Variants in UEVLD observed in about 807,000 individuals in gnomAD.
UEVLD encodes the protein ubiquitin-conjugating enzyme E2 variant 3.
Under a neutral mutation model 58.6 loss-of-function variants are expected in UEVLD, and 47 were observed. That is an observed-to-expected ratio of 0.80 (90% confidence interval 0.63 to 1.02). The LOEUF is 1.02. Among genes scored for constraint, UEVLD ranks in the 50% least tolerant of loss-of-function variants. The pLI, the probability that UEVLD is intolerant of heterozygous loss-of-function variation, is 0.00. For missense variants in UEVLD, 510 were observed against 550.6 expected, an observed-to-expected ratio of 0.93 and a Z score of 0.74; for synonymous variants, 197 against 195.3, an observed-to-expected ratio of 1.01 and a Z score of -0.07.
chr11:18,562,241 C>G (rs1852070304), intron 6 of UEVLD, among the ~76,000 whole-genome samples: 1 of 152,034 alleles, frequency 6.6e-6, no homozygotes, highest in Non-Finnish European at 1.5e-5. Context: ...CCACACCTAG[C>G]TAATTTTTAA....
Position 18,544,802 on chromosome 11 carries a change from T to C in UEVLD, c.887-6A>G, listed in dbSNP as rs375108601. ...TACATAGGTCATGATTTCCACTAAA[T>C]ATTGCATACAAGGTAAAAAATGTAA... On this transcript the variant is annotated splice_region_variant and splice_polypyrimidine_tract_variant and intron_variant, in intron 8 of 11. Coordinates refer to ENST00000396197, the MANE Select transcript of UEVLD (RefSeq NM_001040697.4). The C allele has an allele frequency of 6.6e-7, 1 of 1,517,422 alleles. No homozygotes were observed. The highest frequency in any genetic ancestry group is 1.3e-5 in the South Asian group (1 of 75,620). The allele number at this position is 1,517,422 out of a possible 1,614,324, so 94.0% of individuals were successfully genotyped here. A position where few individuals can be genotyped will look rare whatever the true frequency, so the allele number is the denominator to read the frequency against.
rs1853720513 is a variant in UEVLD at position 18,588,655 on chromosome 11, C to T, written c.-1G>A. On this transcript the variant is annotated 5_prime_UTR_variant, in exon 1 of 12. Coordinates refer to ENST00000396197, the MANE Select transcript of UEVLD (RefSeq NM_001040697.4). Reference sequence around the variant, plus strand: ...TCAGGCCCTCGCAGTCGAACTCCATCTCCAGGCCGGTCCCGAGCTAGGTCC... The same window carrying T: ...TCAGGCCCTCGCAGTCGAACTCCATTTCCAGGCCGGTCCCGAGCTAGGTCC... The T allele has an allele frequency of 3.1e-6, 5 of 1,609,316 alleles. No individual in the cohort carries two copies. Among genetic ancestry groups the T allele is most frequent in the African/African-American group, 1.3e-5 (1 of 75,066 alleles).
chr11:18,545,062 ATCTATATCTATAT>A (rs1565113408), intron 8 of UEVLD, among the ~76,000 whole-genome samples: 1 of 29,644 alleles, frequency 3.4e-5, no homozygotes, highest in African/African-American at 9.9e-5. Flanking sequence ...CTATATCTAT[ATCTATATCTATAT>A]TTTTTTTTTT....
Position 18,544,786 on chromosome 11 carries a change from C to G in UEVLD, c.897G>C (p.Met299Ile). 2 of 1,530,068 alleles carry G rather than the reference C, an allele frequency of 1.3e-6. No individual in the cohort carries two copies. Among genetic ancestry groups the G allele is most frequent in the African/African-American group, 2.9e-5 (2 of 69,432 alleles). 94.8% of individuals were successfully genotyped at this position (1,530,068 alleles called of 1,614,324 possible). A position where few individuals can be genotyped will look rare whatever the true frequency, so the allele number is the denominator to read the frequency against. ...LLVASQPVEI[M>I]TYVTWKLSTF... ...TACTCAGTTTCCATGTTACATAGGTCATGATTTCCACTAAATATTGCATAC... is the reference window on the plus strand; with the variant it reads ...TACTCAGTTTCCATGTTACATAGGTGATGATTTCCACTAAATATTGCATAC... The change falls in exon 9 of 12, where the codon ATG (methionine) becomes ATC (isoleucine). Residue 299 changes from methionine to isoleucine, a missense_variant. Transcript: ENST00000396197.
intron 9 of UEVLD, among the ~76,000 whole-genome samples, chr11:18,537,999 T>A (rs1850883486): frequency 6.6e-6 from 1 of 152,224 alleles, no homozygotes; most frequent in Non-Finnish European, 1.5e-5. Flanking sequence ...CAGTAACATT[T>A]TGAAACCTTT....
intron 6 of UEVLD, among the ~76,000 whole-genome samples, chr11:18,560,138 C>CACACACACACCACACACACACACACAG: frequency 1.3e-5 from 1 of 74,816 alleles, no homozygotes; most frequent in Non-Finnish European, 2.5e-5. Flanking sequence ...CACACACACA[C>CACACACACACCACACACACACACACAG]AGAGAGAGAA....
intron 4 of UEVLD, among the ~76,000 whole-genome samples, chr11:18,569,145 C>T (rs1032413503): frequency 2.0e-5 from 3 of 152,176 alleles, no homozygotes; most frequent in Non-Finnish European, 4.4e-5. Context: ...CCACCCGCCT[C>T]GGCCTACCAA....
intron 9 of UEVLD, among the ~76,000 whole-genome samples, chr11:18,544,003 TC>T (rs1411738619): frequency 2.9e-4 from 44 of 152,286 alleles, no homozygotes; most frequent in African/African-American, 1.0e-3. Context: ...AGGAAAGAGT[TC>T]TATATATGCT....
intron 6 of UEVLD, among the ~76,000 whole-genome samples, chr11:18,561,956 G>A (rs1852057541): frequency 6.6e-6 from 1 of 151,928 alleles, no homozygotes; most frequent in Non-Finnish European, 1.5e-5. Flanking sequence ...TAAGCATTGT[G>A]TAAAGGTTAG....
intron 11 of UEVLD, among the ~76,000 whole-genome samples, chr11:18,533,847 T>C (rs2133949949): frequency 6.6e-6 from 1 of 151,982 alleles, no homozygotes; most frequent in South Asian, 2.1e-4. Flanking sequence ...TAGAGAGGGG[T>C]TTCACCATGT....
At chr11:18,566,598 T>A in intron 4 of UEVLD, 116 bp from the exon 5 acceptor site, 1 of 1,062,894 alleles carries the variant, frequency 9.4e-7, no homozygotes, top group South Asian at 1.6e-5. Flanking sequence ...TGAGTTATGG[T>A]TGCACCACTA....
chr11:18,540,360 G>A (rs1015286549), intron 9 of UEVLD, among the ~76,000 whole-genome samples: 6 of 152,302 alleles, frequency 3.9e-5, no homozygotes, highest in Non-Finnish European at 5.9e-5. Context: ...TGCAGTTACT[G>A]TGATGGTATC....
chr11:18,545,933 C>G (rs1255618316), intron 8 of UEVLD, among the ~76,000 whole-genome samples: 2 of 151,864 alleles, frequency 1.3e-5, no homozygotes, highest in African/African-American at 4.9e-5. Flanking sequence ...CATATGCCAC[C>G]ATGATTCAGT....
At chr11:18,551,933 T>C (rs1339379798) in intron 7 of UEVLD, among the ~76,000 whole-genome samples, 1 of 152,220 alleles carries the variant, frequency 6.6e-6, no homozygotes, top group Admixed American at 6.6e-5. Context: ...GAATGAAATA[T>C]GAACTCATTT....
intron 6 of UEVLD, chr11:18,563,546 G>T: frequency 2.2e-6 from 1 of 461,338 alleles, no homozygotes; most frequent in Non-Finnish European, 2.8e-6. Context: ...AGCTGAGATT[G>T]CACCACTGCA....
chr11:18,550,005 A>G (rs944847324), intron 7 of UEVLD, among the ~76,000 whole-genome samples: 2 of 150,594 alleles, frequency 1.3e-5, no homozygotes, highest in African/African-American at 4.9e-5. Flanking sequence ...GATTTTTAGT[A>G]GAGATGGGGT....
In UEVLD at chr11:18,584,746, T is replaced by A. The variant is rs367712074; in HGVS notation, c.42+3867A>T. ...CTCCCGGGTTCAAGCGATTCTCCTG[T>A]CTCAGCCTCCTGAGTAGCTGGGACT... On this transcript the variant is annotated intron_variant, in intron 1 of 11. Transcript: ENST00000396197. Among the ~76,000 whole-genome samples, 102 of 152,180 alleles carry A rather than the reference T, an allele frequency of 6.7e-4. No homozygotes were observed. The East Asian group carries it at 0.017, about 25-fold the overall frequency.
chr11:18,585,383 G>T (rs1853495231), intron 1 of UEVLD, among the ~76,000 whole-genome samples: 1 of 152,166 alleles, frequency 6.6e-6, no homozygotes, highest in Admixed American at 6.5e-5. Flanking sequence ...GTAAGGCAGG[G>T]ATACAAGGTA....
At chr11:18,579,159 G>A (rs1036235786) in intron 1 of UEVLD, among the ~76,000 whole-genome samples, 11 of 152,128 alleles carry the variant, frequency 7.2e-5, no homozygotes, top group Middle Eastern at 3.2e-3. Flanking sequence ...GAGCCACCAC[G>A]CCCGGCCTGC....
Sources: gnomAD v4.1 joint callset for allele counts (sites outside exome capture counted in the v4.1 genomes callset) on GRCh38, gnomAD v4.1.1 for gene constraint, MANE v1.5 for transcripts, NCBI Gene and HGNC (gene_info 2026-07-23, HGNC 2026-07-21) for gene names.